The following PDE8A variants were observed in gnomAD, a reference collection of about 807,000 sequenced individuals.
PDE8A encodes phosphodiesterase 8A.
PDE8A carries 59 observed loss-of-function variants against 105.0 expected under a neutral mutation model. The ratio of observed to expected loss-of-function variants is 0.56; its 90% CI spans 0.46 to 0.70. The LOEUF (loss-of-function observed/expected upper bound fraction) is 0.70, where lower values mean the gene tolerates loss of function less well. PDE8A is among the 30% of genes least tolerant of loss of function. The pLI is 0.00. For missense variants in PDE8A, 1,014 were observed against 1,045.9 expected, an observed-to-expected ratio of 0.97 and a Z score of 0.42; for synonymous variants, 355 against 371.9, an observed-to-expected ratio of 0.95 and a Z score of 0.52.
chr15:85,111,386 T>C (rs919683158), intron 12 of PDE8A, among the ~76,000 whole-genome samples: 16 of 152,354 alleles, frequency 1.1e-4, no homozygotes, highest in Admixed American at 4.6e-4. Context: ...TTTAAAATTA[T>C]TTATATCTGG....
intron 3 of PDE8A, among the ~76,000 whole-genome samples, chr15:85,069,411 C>T (rs139864470): frequency 1.3e-3 from 205 of 152,288 alleles, no homozygotes; most frequent in Non-Finnish European, 2.4e-3. Context: ...CCACAGTTGG[C>T]GCACAGGATT....
intron 11 of PDE8A, among the ~76,000 whole-genome samples, chr15:85,101,399 T>G (rs2081859835): frequency 6.6e-6 from 1 of 152,124 alleles, no homozygotes; most frequent in South Asian, 2.1e-4. Flanking sequence ...GGGAAAGCAT[T>G]CCAGCAATAA....
intron 1 of PDE8A, among the ~76,000 whole-genome samples, chr15:85,047,338 C>A (rs2080902530): frequency 6.6e-6 from 1 of 152,136 alleles, no homozygotes; most frequent in Admixed American, 6.5e-5. Flanking sequence ...CTTTGAGGGC[C>A]CACTGCTGAC....
chr15:85,100,075 G>A lies in PDE8A; in HGVS notation c.993+9G>A, dbSNP rs1425740433. 5 of 1,613,634 alleles carry A rather than the reference G, an allele frequency of 3.1e-6. No homozygotes were observed. The highest frequency in any genetic ancestry group is 4.2e-6 in the Non-Finnish European group (5 of 1,179,732). ...GCAATGGCAACAATAAGGTACGTAA[G>A]GAGAGCCCCCCGGGGCCCCAGGAAC... On this transcript the variant is annotated intron_variant, in intron 10 of 21. Transcript: ENST00000394553.
intron 11 of PDE8A, among the ~76,000 whole-genome samples, chr15:85,105,985 A>C (rs894879965): frequency 6.6e-6 from 1 of 152,124 alleles, no homozygotes; most frequent in African/African-American, 2.4e-5. Flanking sequence ...AAATTGCTAG[A>C]ATCATCTATA....
At chr15:85,116,898 C>T (rs1332848247) in intron 16 of PDE8A, among the ~76,000 whole-genome samples, 1 of 152,192 alleles carries the variant, frequency 6.6e-6, no homozygotes, top group Middle Eastern at 3.2e-3. Flanking sequence ...ACTCCCTGGG[C>T]ACATGAGTCT....
chr15:85,107,058 A>C (rs1222264720), intron 11 of PDE8A, among the ~76,000 whole-genome samples: 1 of 152,220 alleles, frequency 6.6e-6, no homozygotes, highest in Non-Finnish European at 1.5e-5. Flanking sequence ...AAGGCAAGAC[A>C]ATAAAGCAGG....
intron 1 of PDE8A, among the ~76,000 whole-genome samples, chr15:85,018,566 A>G (rs1244776380): frequency 4.6e-5 from 7 of 152,152 alleles, no homozygotes; most frequent in Admixed American, 1.3e-4. Flanking sequence ...AGTATTAGGA[A>G]TAAGTAACAT....
intron 1 of PDE8A, among the ~76,000 whole-genome samples, chr15:85,028,043 GC>G (rs2141368000): frequency 6.6e-6 from 1 of 152,330 alleles, no homozygotes; most frequent in South Asian, 2.1e-4. Context: ...GGTAAACGAT[GC>G]TGTGGTGAAC....
At chr15:85,067,288 C>G in intron 3 of PDE8A, 84 bp downstream of exon 3, 3 of 989,036 alleles carry the variant, frequency 3.0e-6, no homozygotes, top group South Asian at 3.6e-5. Flanking sequence ...ATTAGACTCA[C>G]TCTCTTTTAA....
intron 3 of PDE8A, among the ~76,000 whole-genome samples, chr15:85,073,662 A>T (rs1363608454): frequency 6.6e-6 from 1 of 152,262 alleles, no homozygotes; most frequent in Non-Finnish European, 1.5e-5. Context: ...CTGTGATATG[A>T]TGGAAATGTA....
At chr15:84,992,736 C>T (rs902726435) in intron 1 of PDE8A, among the ~76,000 whole-genome samples, 6 of 152,000 alleles carry the variant, frequency 3.9e-5, no homozygotes, top group Admixed American at 1.3e-4. Context: ...AGTGAAAGGG[C>T]GGAGAGTGGA....
chr15:85,111,260 C>A lies in PDE8A; in HGVS notation c.1115-2117C>A, dbSNP rs1020583497. Among the ~76,000 whole-genome samples, 7 of 152,212 alleles carry A rather than the reference C, an allele frequency of 4.6e-5. No homozygotes were observed. The East Asian group carries it at 1.4e-3, about 29-fold the overall frequency. Reference sequence around the variant, plus strand: ...TTATCAGGTTTTCTATTATTACTTGCGCTTTTTATGTCCTATTTAAGAAAT... The same window carrying A: ...TTATCAGGTTTTCTATTATTACTTGAGCTTTTTATGTCCTATTTAAGAAAT... On this transcript the variant is annotated intron_variant, in intron 12 of 21. Coordinates refer to ENST00000394553, the MANE Select transcript of PDE8A (RefSeq NM_002605.3).
chr15:85,083,684 G>T, intron 6 of PDE8A, 40 bp downstream of exon 6: 2 of 1,259,354 alleles, frequency 1.6e-6, no homozygotes, highest in Non-Finnish European at 2.3e-6. Context: ...AGGCCATACA[G>T]GGCAGCATGG....
At position 84,982,356 on chromosome 15, in the gene PDE8A, G is replaced by A; in HGVS notation, c.186+8G>A. 7.6e-7 allele frequency: 1 copy of A among 1,316,152 alleles called. No homozygotes were observed. The highest frequency in any genetic ancestry group is 2.1e-5 in the South Asian group (1 of 47,570). 81.5% of individuals were successfully genotyped at this position (1,316,152 alleles called of 1,614,324 possible). On this transcript the variant is annotated splice_region_variant and intron_variant, in intron 1 of 21. Transcript: ENST00000394553. ...GACGGCAGCGGCAAGAAGGTAAGGG[G>A]CGCCGGGCACTCTGGGGCCGCCGCG...
At chr15:84,996,266 C>T (rs2079974339) in intron 1 of PDE8A, among the ~76,000 whole-genome samples, 1 of 151,986 alleles carries the variant, frequency 6.6e-6, no homozygotes. Flanking sequence ...CAGCCTCAAA[C>T]TTTTGGACTC....
At chr15:85,049,999 T>C (rs938516048) in intron 1 of PDE8A, among the ~76,000 whole-genome samples, 2 of 152,178 alleles carry the variant, frequency 1.3e-5, no homozygotes, top group African/African-American at 4.8e-5. Flanking sequence ...GCACTTGTTA[T>C]TTTCTGGTAG....
At position 85,109,031 on chromosome 15, in the gene PDE8A, GATTT is replaced by G. The variant is rs773422874; in HGVS notation, c.1037-19_1037-16del. ...GTTGTTTAAATATCTTTGAAGAGGT[GATTT>G]ATCATTTGTTTCTACAGATAATCAG... is the stretch of plus-strand genomic sequence containing the variant. On this transcript the variant is annotated intron_variant, in intron 11 of 21. Coordinates refer to ENST00000394553, the MANE Select transcript of PDE8A (RefSeq NM_002605.3). 6.6e-7 allele frequency: 1 copy of G among 1,523,964 alleles called. No individual in the cohort carries two copies. The highest frequency in any genetic ancestry group is 9.1e-7 in the Non-Finnish European group (1 of 1,102,100). The allele number at this position is 1,523,964 out of a possible 1,614,324, so 94.4% of individuals were successfully genotyped here. A position where few individuals can be genotyped will look rare whatever the true frequency, so the allele number is the denominator to read the frequency against.
intron 1 of PDE8A, among the ~76,000 whole-genome samples, chr15:84,998,055 T>G (rs1290376535): frequency 6.6e-6 from 1 of 152,264 alleles, no homozygotes; most frequent in Non-Finnish European, 1.5e-5. Flanking sequence ...ATTAAAAATT[T>G]TTTATGTATA....
Sources: gnomAD v4.1 joint callset for allele counts (sites outside exome capture counted in the v4.1 genomes callset) on GRCh38, gnomAD v4.1.1 for gene constraint, MANE v1.5 for transcripts, NCBI Gene and HGNC (gene_info 2026-07-23, HGNC 2026-07-21) for gene names.